Variants in TCF20 observed in about 807,000 individuals in gnomAD.
TCF20 encodes the protein SPRE-binding protein.
A neutral mutation model predicts 148.6 loss-of-function variants in TCF20; 3 were observed. The observed-to-expected ratio is 0.02, with a 90% CI of 0.01 to 0.05. TCF20 has a LOEUF of 0.05. Among genes scored for constraint, TCF20 ranks in the 10% least tolerant of loss-of-function variants. The probability of loss-of-function intolerance (pLI) is 1.00; values close to 1 mark genes in which losing one functional copy is unlikely to be tolerated. For synonymous variants in TCF20, 1,049 were observed against 909.5 expected, an observed-to-expected ratio of 1.15 and a Z score of -2.76; for missense variants, 2,350 against 2,429.3, an observed-to-expected ratio of 0.97 and a Z score of 0.69.
At chr22:42,227,213 G>A (rs1339357654) in intron 1 of TCF20, among the ~76,000 whole-genome samples, 1 of 152,166 alleles carries the variant, frequency 6.6e-6, no homozygotes, top group Non-Finnish European at 1.5e-5. Flanking sequence ...AACTCTGGAG[G>A]CTGCAGTGAG....
intron 1 of TCF20, among the ~76,000 whole-genome samples, chr22:42,301,641 C>T (rs1170525249): frequency 6.6e-6 from 1 of 152,186 alleles, no homozygotes; most frequent in African/African-American, 2.4e-5. Flanking sequence ...AGCTCCAGGG[C>T]AATGGAAACC....
chr22:42,172,262 G>A (rs1936176256), intron 3 of TCF20, among the ~76,000 whole-genome samples: 1 of 152,238 alleles, frequency 6.6e-6, no homozygotes. Flanking sequence ...GAAACCTGGA[G>A]GGCACAGGGG....
chr22:42,188,475 A>C (rs1216269057), intron 2 of TCF20, among the ~76,000 whole-genome samples: 1 of 152,122 alleles, frequency 6.6e-6, no homozygotes, highest in Non-Finnish European at 1.5e-5. Context: ...AGGCAGTTTG[A>C]CTTCCTAACG....
At chr22:42,224,261 G>A (rs1370808643) in intron 1 of TCF20, among the ~76,000 whole-genome samples, 1 of 151,998 alleles carries the variant, frequency 6.6e-6, no homozygotes, top group Non-Finnish European at 1.5e-5. Flanking sequence ...AACGAGGTCA[G>A]GAGATTGAGA....
chr22:42,305,203 C>T, intron 1 of TCF20, among the ~76,000 whole-genome samples: 1 of 152,120 alleles, frequency 6.6e-6, no homozygotes, highest in East Asian at 1.9e-4. Flanking sequence ...CCTCCTGGCC[C>T]CCAAGGCTGC....
rs376359765 is a variant in TCF20, at chr22:42,211,216, T to C, written c.4090A>G (p.Ile1364Val). The C allele has an allele frequency of 2.5e-6, 4 of 1,614,150 alleles. No homozygotes were observed. Among genetic ancestry groups the C allele is most frequent in the Non-Finnish European group, 3.4e-6 (4 of 1,180,028 alleles). Residue 1364 changes from isoleucine to valine, a missense_variant, in exon 2 of 6, where the codon ATT (isoleucine) becomes GTT (valine). Coordinates refer to ENST00000677622, the MANE Select transcript of TCF20 (RefSeq NM_001378418.1). Reference sequence around the variant, plus strand: ...CTGTTCGAAGATGCGCTCCTCCTAATATTTGGGGATGTAATCTTCTGAACT... The same window carrying C: ...CTGTTCGAAGATGCGCTCCTCCTAACATTTGGGGATGTAATCTTCTGAACT... ...AIVQKITSPN[I>V]RRSASSNSAE...
chr22:42,199,545 A>G (rs12160018), intron 2 of TCF20, among the ~76,000 whole-genome samples: 1 of 152,026 alleles, frequency 6.6e-6, no homozygotes, highest in African/African-American at 2.4e-5. Flanking sequence ...GTTTTTCACC[A>G]CATTGTCAGT....
intron 2 of TCF20, among the ~76,000 whole-genome samples, chr22:42,200,568 G>C (rs982222898): frequency 3.3e-5 from 5 of 151,742 alleles, no homozygotes; most frequent in African/African-American, 1.2e-4. Context: ...TTTGAAACTG[G>C]GGGGTGGAGG....
At chr22:42,169,102 T>C (rs940753745) in intron 4 of TCF20, among the ~76,000 whole-genome samples, 3 of 151,172 alleles carry the variant, frequency 2.0e-5, no homozygotes, top group African/African-American at 7.3e-5. Context: ...CCTACTAGAT[T>C]TAAGACTGCG....
intron 1 of TCF20, among the ~76,000 whole-genome samples, chr22:42,302,615 C>T (rs1009398904): frequency 6.6e-6 from 1 of 152,160 alleles, no homozygotes; most frequent in African/African-American, 2.4e-5. Context: ...TGGTGGGATT[C>T]CTGGATGTCT....
Position 42,209,925 on chromosome 22 carries a change from T to C in TCF20, c.5381A>G (p.Asp1794Gly). 6.2e-7 allele frequency: 1 copy of C among 1,614,130 alleles called. No individual in the cohort carries two copies. ...PRFKRRHRSE[D>G]CGGGPRSLSR... ...CAGGGACCGAGGGCCTCCACCACAG[T>C]CTTCCGAGCGGTGGCGCCGCTTAAA... The change falls in exon 2 of 6, where the codon GAC becomes GGC. Residue 1794 changes from aspartate to glycine, a missense_variant. By Grantham distance (94) the Asp-to-Gly change is moderately conservative. Around this residue, in one of 7 missense-constraint regions of TCF20, gnomAD observed 374 missense variants for 398.3 expected, o/e 0.94. Transcript: ENST00000677622.
intron 1 of TCF20, among the ~76,000 whole-genome samples, chr22:42,245,452 T>C (rs5996135): frequency 0.78 from 118,769 of 152,096 alleles, 46,675 homozygotes; most frequent in African/African-American, 0.82. Context: ...AGATGCTATC[T>C]GGGAGGTTTC....
intron 1 of TCF20, among the ~76,000 whole-genome samples, chr22:42,326,378 G>A (rs903638773): frequency 1.3e-5 from 2 of 152,162 alleles, no homozygotes; most frequent in African/African-American, 4.8e-5. Context: ...GCCGCCCTGT[G>A]ACAATGCCCC....
intron 2 of TCF20, among the ~76,000 whole-genome samples, chr22:42,199,706 C>CG (rs564228573): frequency 5.9e-5 from 2 of 33,872 alleles, no homozygotes; most frequent in Admixed American, 5.0e-4. Context: ...CCCATCTCTA[C>CG]AAAAAAAAAA....
intron 1 of TCF20, among the ~76,000 whole-genome samples, chr22:42,249,227 T>C (rs1376329623): frequency 2.0e-5 from 3 of 152,230 alleles, no homozygotes; most frequent in African/African-American, 7.2e-5. Context: ...TCCCTGGTTC[T>C]GAGGCCTTTG....
chr22:42,179,571 T>C, intron 3 of TCF20, 38 bp downstream of exon 3: 1 of 1,429,176 alleles, frequency 7.0e-7, no homozygotes. Flanking sequence ...TCCTAATCCT[T>C]TGGATGCTCT....
At chr22:42,240,198 T>C (rs1340501753) in intron 1 of TCF20, among the ~76,000 whole-genome samples, 1 of 152,210 alleles carries the variant, frequency 6.6e-6, no homozygotes, top group Non-Finnish European at 1.5e-5. Context: ...GAATAGTCAT[T>C]TGCTTGACGT....
chr22:42,282,154 C>A (rs1449236342), intron 1 of TCF20, among the ~76,000 whole-genome samples: 1 of 152,204 alleles, frequency 6.6e-6, no homozygotes. Flanking sequence ...GAAGGAGAGC[C>A]ACAGCCTTCC....
chr22:42,215,885 G>A (rs888048552), intron 1 of TCF20, among the ~76,000 whole-genome samples: 1 of 152,052 alleles, frequency 6.6e-6, no homozygotes. Flanking sequence ...AGCACTCTGA[G>A]TGCATACAAA....
Sources: gnomAD v4.1 joint callset for allele counts (sites outside exome capture counted in the v4.1 genomes callset) on GRCh38, gnomAD v4.1.1 for gene constraint, gnomAD v4.1.1 regional missense constraint, MANE v1.5 for transcripts, NCBI Gene and HGNC (gene_info 2026-07-23, HGNC 2026-07-21) for gene names.